The following ZBBX variants were observed in gnomAD, a reference collection of about 807,000 sequenced individuals.
ZBBX encodes zinc finger B-box domain-containing protein 1.
ZBBX carries 101 observed loss-of-function variants against 108.5 expected under a neutral mutation model. The observed-to-expected ratio is 0.93, with a 90% CI of 0.79 to 1.10. The LOEUF is 1.10. Among genes scored for constraint, ZBBX ranks in the 50% least tolerant of loss-of-function variants. The pLI is 0.00. For missense variants in ZBBX, 1,009 were observed against 941.4 expected (o/e 1.07, Z -0.94); for synonymous variants, 356 against 323.4 (o/e 1.10, Z -1.08).
upstream of ZBBX, among the ~76,000 whole-genome samples, chr3:167,382,464 C>T (rs531051530): frequency 5.2e-4 from 79 of 152,258 alleles, no homozygotes; most frequent in South Asian, 5.6e-3. Flanking sequence ...TTTTTCCAAA[C>T]TCATGCTTCT....
intron 19 of ZBBX, 191 bp from the exon 20 acceptor site, chr3:167,282,686 CATA>C (rs1167255132): frequency 5.9e-6 from 3 of 506,038 alleles, no homozygotes. Flanking sequence ...TTTCCAATGT[CATA>C]AAGAACACTT....
chr3:167,183,446 G>C, the ZBBX span, among the ~76,000 whole-genome samples: 1 of 152,196 alleles, frequency 6.6e-6, no homozygotes, highest in South Asian at 2.1e-4. Flanking sequence ...CGATCAGGGA[G>C]ACCCTAACCC....
chr3:167,282,212 T>G (rs1728934561), intron 20 of ZBBX, 26 bp downstream of exon 20: 1 of 1,591,412 alleles, frequency 6.3e-7, no homozygotes, highest in South Asian at 1.2e-5. Flanking sequence ...TAGCATTATC[T>G]AAAGTGAAAA....
intron 20 of ZBBX, chr3:167,252,328 G>T: frequency 1.8e-6 from 1 of 565,424 alleles, no homozygotes; most frequent in Non-Finnish European, 2.8e-6. Flanking sequence ...GTGTATGTCT[G>T]AGAGCAAACC....
At chr3:167,367,581 C>T (rs538874820) in intron 5 of ZBBX, among the ~76,000 whole-genome samples, 88 of 122,264 alleles carry the variant, frequency 7.2e-4, no homozygotes, top group African/African-American at 2.5e-3. Context: ...TAGATGAACT[C>T]ATTTGTAAAA....
At chr3:167,293,205 C>G (rs574474430) in intron 18 of ZBBX, among the ~76,000 whole-genome samples, 101 of 152,148 alleles carry the variant, frequency 6.6e-4, no homozygotes, top group Non-Finnish European at 1.2e-3. Context: ...TTGTATGAGG[C>G]CAGCATCATC....
chr3:167,302,748 G>T (rs1364998847), intron 17 of ZBBX, among the ~76,000 whole-genome samples: 1 of 152,152 alleles, frequency 6.6e-6, no homozygotes, highest in East Asian at 1.9e-4. Flanking sequence ...AATAGCAGTT[G>T]CCAGAGTATC....
chr3:167,256,841 A>G (rs151028540), intron 20 of ZBBX, among the ~76,000 whole-genome samples: 174 of 152,188 alleles, frequency 1.1e-3, no homozygotes, highest in Non-Finnish European at 2.0e-3. Context: ...TCCATTGTGT[A>G]TATGTATCAC....
intron 20 of ZBBX, among the ~76,000 whole-genome samples, chr3:167,278,658 T>G (rs1166223220): frequency 6.6e-5 from 10 of 151,768 alleles, no homozygotes; most frequent in African/African-American, 1.9e-4. Context: ...CACAGCCGAA[T>G]TCTACCAGAG....
At chr3:167,317,240 C>A in intron 13 of ZBBX, 135 bp from the exon 14 acceptor site, 1 of 672,718 alleles carries the variant, frequency 1.5e-6, no homozygotes, top group Non-Finnish European at 2.4e-6. Context: ...TGTCAATTTT[C>A]CCAGTTCAAG....
intron 9 of ZBBX, among the ~76,000 whole-genome samples, chr3:167,342,266 G>T (rs940519543): frequency 6.6e-6 from 1 of 151,696 alleles, no homozygotes; most frequent in Non-Finnish European, 1.5e-5. Flanking sequence ...AACATAGGTA[G>T]CACCTGCAAA....
intron 20 of ZBBX, among the ~76,000 whole-genome samples, chr3:167,248,357 A>C (rs765764873): frequency 2.5e-4 from 38 of 152,212 alleles, no homozygotes; most frequent in Non-Finnish European, 3.5e-4. Flanking sequence ...TCGGGTAAAA[A>C]TATAAGGATT....
intron 4 of ZBBX, among the ~76,000 whole-genome samples, chr3:167,370,131 A>T (rs1745931527): frequency 6.6e-6 from 1 of 152,174 alleles, no homozygotes; most frequent in African/African-American, 2.4e-5. Context: ...AATCAATTAG[A>T]GGGTGCAAGG....
At chr3:167,277,544 G>C (rs947515615) in intron 20 of ZBBX, among the ~76,000 whole-genome samples, 2 of 152,108 alleles carry the variant, frequency 1.3e-5, no homozygotes, top group African/African-American at 4.8e-5. Context: ...AACAAGAAGA[G>C]CTAACTATCC....
At chr3:167,356,111 C>A (rs1037573817) in intron 8 of ZBBX, among the ~76,000 whole-genome samples, 2 of 152,084 alleles carry the variant, frequency 1.3e-5, no homozygotes, top group Non-Finnish European at 2.9e-5. Flanking sequence ...TGACTCATAG[C>A]TCCTGTATAA....
the ZBBX span, among the ~76,000 whole-genome samples, chr3:167,205,914 C>CCTCT: frequency 6.6e-6 from 1 of 151,820 alleles, no homozygotes; most frequent in Admixed American, 6.6e-5. Context: ...AATTCTTCCA[C>CCTCT]CTCTCCCTCT....
At chr3:167,404,725 C>G (rs1403521756) in intron 1 of ZBBX, among the ~76,000 whole-genome samples, 16 of 152,174 alleles carry the variant, frequency 1.1e-4, no homozygotes, top group Admixed American at 1.0e-3. Context: ...TTTCAGCATT[C>G]CTCTGTCAAT....
chr3:167,185,154 AT>A, the ZBBX span, among the ~76,000 whole-genome samples: 1 of 152,240 alleles, frequency 6.6e-6, no homozygotes, highest in Admixed American at 6.5e-5. Flanking sequence ...GATTAAAATA[AT>A]GTGGTACATC....
chr3:167,403,727 A>G (rs2108644751), intron 1 of ZBBX, among the ~76,000 whole-genome samples: 1 of 152,230 alleles, frequency 6.6e-6, no homozygotes, highest in Non-Finnish European at 1.5e-5. Flanking sequence ...TCAGTATAGA[A>G]TATGGTAGGT....
Sources: gnomAD v4.1 joint callset for allele counts (sites outside exome capture counted in the v4.1 genomes callset) on GRCh38, gnomAD v4.1.1 for gene constraint, MANE v1.5 for transcripts, NCBI Gene and HGNC (gene_info 2026-07-23, HGNC 2026-07-21) for gene names.